MECOM: variants seen among roughly 807,000 people sequenced by gnomAD.
MECOM encodes MDS1 and EVI1 complex locus.
In MECOM, 13 loss-of-function variants were observed where a neutral mutation model predicts 116.3. The ratio of observed to expected loss-of-function variants is 0.11; its 90% confidence interval spans 0.07 to 0.18. The LOEUF (loss-of-function observed/expected upper bound fraction) is 0.18, where lower values mean the gene tolerates loss of function less well. MECOM is among the 10% of genes least tolerant of loss of function. The pLI, the probability that MECOM is intolerant of heterozygous loss-of-function variation, is 1.00. For missense variants in MECOM, 1,299 were observed against 1,509.0 expected (o/e 0.86, Z 2.31); for synonymous variants, 528 against 535.2 (o/e 0.99, Z 0.19).
At chr3:169,417,818 G>A (rs376200730) in intron 1 of MECOM, among the ~76,000 whole-genome samples, 2 of 152,190 alleles carry the variant, frequency 1.3e-5, no homozygotes, top group East Asian at 1.9e-4. Context: ...GGACACGGAT[G>A]AAATTGGAAA....
At chr3:169,472,323 G>C (rs149657347) in intron 1 of MECOM, among the ~76,000 whole-genome samples, 1,790 of 149,540 alleles carry the variant, frequency 0.012, 23 homozygotes, top group Middle Eastern at 0.017. Flanking sequence ...GAGGCAGGAG[G>C]TTCACTTGAG....
intron 1 of MECOM, among the ~76,000 whole-genome samples, chr3:169,598,003 G>A (rs1767339893): frequency 6.6e-6 from 1 of 152,154 alleles, no homozygotes. Context: ...CAGCGTTAGG[G>A]AGAGTTGTCC....
chr3:169,095,349 T>G (rs184545299), intron 12 of MECOM, 104 bp from the exon 13 acceptor site: 31 of 953,336 alleles, frequency 3.3e-5, no homozygotes, highest in Admixed American at 6.0e-5. Context: ...AAAACAACAT[T>G]TTAAAGAAAA....
At chr3:169,450,580 AC>A (rs1745386512) in intron 1 of MECOM, among the ~76,000 whole-genome samples, 1 of 99,734 alleles carries the variant, frequency 1.0e-5, no homozygotes, top group Non-Finnish European at 2.0e-5. Flanking sequence ...TCAGGACAAA[AC>A]GAAAAAAAAA....
chr3:169,439,340 A>C (rs1318756084), intron 1 of MECOM, among the ~76,000 whole-genome samples: 10 of 147,806 alleles, frequency 6.8e-5, no homozygotes, highest in Non-Finnish European at 1.5e-4. Flanking sequence ...AATATTATTA[A>C]TATTATTTAA....
intron 1 of MECOM, among the ~76,000 whole-genome samples, chr3:169,636,131 C>A (rs1013454895): frequency 4.6e-5 from 7 of 152,164 alleles, no homozygotes; most frequent in Non-Finnish European, 4.4e-5. Flanking sequence ...AGGATGAGGA[C>A]AGATTATTGC....
At chr3:169,501,651 A>T (rs544037318) in intron 1 of MECOM, among the ~76,000 whole-genome samples, 1 of 152,092 alleles carries the variant, frequency 6.6e-6, no homozygotes, top group Non-Finnish European at 1.5e-5. Context: ...TATGCCGTTG[A>T]CAAGATTTTT....
At chr3:169,560,959 T>G (rs1253828285) in intron 1 of MECOM, among the ~76,000 whole-genome samples, 1 of 151,890 alleles carries the variant, frequency 6.6e-6, no homozygotes, top group Non-Finnish European at 1.5e-5. Context: ...ATAAGGAATT[T>G]CTACAAATCA....
chr3:169,332,673 A>G (rs1449272634), intron 2 of MECOM, among the ~76,000 whole-genome samples: 2 of 152,222 alleles, frequency 1.3e-5, no homozygotes, highest in Non-Finnish European at 1.5e-5. Flanking sequence ...TTTCATGTGA[A>G]TTTGCATTCA....
intron 2 of MECOM, among the ~76,000 whole-genome samples, chr3:169,171,033 T>C (rs1744324110): frequency 6.6e-6 from 1 of 152,248 alleles, no homozygotes; most frequent in Non-Finnish European, 1.5e-5. Context: ...AAGGTACTCC[T>C]GGAATTTCTT....
chr3:169,349,016 A>AT (rs1553815546), intron 2 of MECOM, among the ~76,000 whole-genome samples: 2 of 151,688 alleles, frequency 1.3e-5, no homozygotes, highest in Non-Finnish European at 2.9e-5. Context: ...GTGGAACTGC[A>AT]TTTTTTTACA....
At chr3:169,551,899 T>A (rs554948138) in intron 1 of MECOM, among the ~76,000 whole-genome samples, 2 of 152,254 alleles carry the variant, frequency 1.3e-5, no homozygotes, top group South Asian at 4.1e-4. Context: ...TTCTGACACA[T>A]GCTGCAATAT....
chr3:169,442,358 G>T lies in MECOM; in HGVS notation c.38-60834C>A, dbSNP rs530590505. On this transcript the variant is annotated intron_variant, in intron 1 of 16. Coordinates refer to ENST00000651503, the MANE Select transcript of MECOM (RefSeq NM_004991.4). ...TCAGGGTGTAAGCCACCTTGCCCAGGCTTGTGTTACACTTCTTATGAGTAA... is the reference window on the plus strand; with the variant it reads ...TCAGGGTGTAAGCCACCTTGCCCAGTCTTGTGTTACACTTCTTATGAGTAA... 2.0e-5 allele frequency among the ~76,000 whole-genome samples: 3 copies of T among 152,256 alleles called. No homozygotes were observed. In the South Asian group the frequency reaches 6.2e-4, roughly 32 times the overall value.
chr3:169,255,745 T>C (rs1485890419), intron 2 of MECOM, among the ~76,000 whole-genome samples: 1 of 152,120 alleles, frequency 6.6e-6, no homozygotes, highest in Non-Finnish European at 1.5e-5. Context: ...TAAACATAAA[T>C]TCTCACTTTC....
At chr3:169,531,039 C>A (rs970630500) in intron 1 of MECOM, among the ~76,000 whole-genome samples, 4 of 152,124 alleles carry the variant, frequency 2.6e-5, no homozygotes, top group Admixed American at 6.5e-5. Context: ...GATAGACAGA[C>A]CCTTTGCCTA....
At chr3:169,546,707 T>G (rs771003135) in intron 1 of MECOM, among the ~76,000 whole-genome samples, 1 of 151,794 alleles carries the variant, frequency 6.6e-6, no homozygotes, top group Non-Finnish European at 1.5e-5. Flanking sequence ...TCCCCATCTC[T>G]AAAGAAAGAA....
At chr3:169,200,524 G>A (rs1749004997) in intron 2 of MECOM, among the ~76,000 whole-genome samples, 1 of 152,052 alleles carries the variant, frequency 6.6e-6, no homozygotes, top group South Asian at 2.1e-4. Flanking sequence ...ATTTAGCAGA[G>A]TTCTAATGAG....
At chr3:169,480,692 G>GTT (rs1340705321) in intron 1 of MECOM, among the ~76,000 whole-genome samples, 1 of 152,142 alleles carries the variant, frequency 6.6e-6, no homozygotes, top group Non-Finnish European at 1.5e-5. Context: ...GAGGTGGGTG[G>GTT]TTTTTGTTCT....
In MECOM at chr3:169,090,176, C is replaced by A; in HGVS notation, c.3225G>T (p.Leu1075Phe). ...KALVTSQNSD[L>F]LDDEEVEDEV... Reference sequence around the variant, plus strand: ...CATCTTCAACTTCTTCATCATCCAGCAAGTCTGAATTTTGACTGGTCACCA... The same window carrying A: ...CATCTTCAACTTCTTCATCATCCAGAAAGTCTGAATTTTGACTGGTCACCA... Residue 1075 changes from leucine (L) to phenylalanine (F), a missense_variant, in exon 15 of 17, where the codon TTG becomes TTT. Physicochemically the swap from Leu to Phe is conservative, Grantham distance 22 (BLOSUM62 0). Coordinates refer to ENST00000651503, the MANE Select transcript of MECOM (RefSeq NM_004991.4). 1 of 1,613,382 alleles carries A rather than the reference C, an allele frequency of 6.2e-7. No homozygotes were observed. Among genetic ancestry groups the A allele is most frequent in the South Asian group, 1.1e-5 (1 of 91,024 alleles).
Sources: allele counts gnomAD v4.1 joint callset (sites outside exome capture counted in the v4.1 genomes callset), GRCh38; gene constraint gnomAD v4.1.1; transcripts MANE v1.5; gene names NCBI Gene and HGNC (gene_info 2026-07-23, HGNC 2026-07-21).